Variants in ADAM19 observed in about 807,000 individuals in gnomAD.
ADAM19 encodes the protein disintegrin and metalloproteinase domain-containing protein 19.
ADAM19 carries 65 observed loss-of-function variants against 114.7 expected under a neutral mutation model. The observed-to-expected ratio is 0.57, with a 90% CI of 0.46 to 0.70. The LOEUF (loss-of-function observed/expected upper bound fraction) is 0.70, where lower values mean the gene tolerates loss of function less well. Among genes scored for constraint, ADAM19 ranks in the 30% least tolerant of loss-of-function variants. ADAM19 has a pLI of 0.00. For missense variants in ADAM19, 1,063 were observed against 1,204.7 expected, an observed-to-expected ratio of 0.88 and a Z score of 1.74; for synonymous variants, 466 against 460.5, an observed-to-expected ratio of 1.01 and a Z score of -0.15.
intron 3 of ADAM19, among the ~76,000 whole-genome samples, chr5:157,560,805 T>C (rs959459209): frequency 6.6e-6 from 1 of 152,204 alleles, no homozygotes; most frequent in African/African-American, 2.4e-5. Context: ...TTTTGTTTAT[T>C]TGGAATTGCT....
Position 157,499,637 on chromosome 5 carries a change from G to A in ADAM19, c.1334C>T (p.Ala445Val), listed in dbSNP as rs755087118. 2.5e-6 allele frequency: 4 copies of A among 1,612,646 alleles called. No individual in the cohort carries two copies. The highest frequency in any genetic ancestry group is 1.3e-5 in the African/African-American group (1 of 74,900). ...EEECNNPCCNASNCTLRPGAE... is the reference protein window; with the variant it reads ...EEECNNPCCNVSNCTLRPGAE... ...CCCCGGCCTCAGGGTACAATTAGAG[G>A]CATTGCAGCAGGGGTTGTTACATTC... is the stretch of plus-strand genomic sequence containing the variant. Residue 445 changes from alanine to valine, a missense_variant, in exon 13 of 23, where the codon GCC becomes GTC. By Grantham distance (64) the Ala-to-Val change is moderately conservative (BLOSUM62 0). Coordinates refer to ENST00000257527, the MANE Select transcript of ADAM19 (RefSeq NM_033274.5).
intron 13 of ADAM19, among the ~76,000 whole-genome samples, chr5:157,497,570 T>TACACACACACACACACACACACAC (rs5872512): frequency 8.6e-6 from 1 of 116,686 alleles, no homozygotes; most frequent in African/African-American, 3.9e-5. Context: ...GGCCCACTAA[T>TACACACACACACACACACACACAC]ACACACACAC....
intron 3 of ADAM19, among the ~76,000 whole-genome samples, chr5:157,555,834 T>C (rs554923543): frequency 1.3e-5 from 2 of 152,272 alleles, no homozygotes; most frequent in East Asian, 3.9e-4. Context: ...TCTGGGAGAA[T>C]CTGTTCCTTG....
chr5:157,513,526 C>A, intron 7 of ADAM19, 21 bp from the exon 8 acceptor site: 6 of 1,609,252 alleles, frequency 3.7e-6, no homozygotes, highest in Non-Finnish European at 5.1e-6. Context: ...CAAGCAGAAC[C>A]ATGTGAGATC....
intron 3 of ADAM19, among the ~76,000 whole-genome samples, chr5:157,556,209 C>CTTTTTTTTTTTT (rs68078503): frequency 1.5e-5 from 1 of 66,320 alleles, no homozygotes; most frequent in Non-Finnish European, 2.7e-5. Context: ...TTTTCTTTTT[C>CTTTTTTTTTTTT]TTTTTTTTTT....
chr5:157,494,128 A>G (rs1444002998), intron 15 of ADAM19, among the ~76,000 whole-genome samples: 4 of 152,198 alleles, frequency 2.6e-5, no homozygotes, highest in Non-Finnish European at 2.9e-5. Flanking sequence ...GATAGACAGT[A>G]AATCTTCAAT....
intron 3 of ADAM19, 109 bp from the exon 4 acceptor site, chr5:157,538,100 A>C: frequency 1.0e-5 from 8 of 783,582 alleles, no homozygotes; most frequent in African/African-American, 1.8e-5. Context: ...AAGCATCTCC[A>C]TACAAAAGAA....
At position 157,567,572 on chromosome 5, in the gene ADAM19, C is replaced by T. The variant is rs554703085; in HGVS notation, c.181-3129G>A. Among the ~76,000 whole-genome samples, 19 of 152,234 alleles carry T rather than the reference C, an allele frequency of 1.2e-4. No individual in the cohort carries two copies. In the East Asian group the frequency reaches 3.1e-3, roughly 25 times the overall value. On this transcript the variant is annotated intron_variant, in intron 2 of 22. Coordinates refer to ENST00000257527, the MANE Select transcript of ADAM19 (RefSeq NM_033274.5). ...CAACACTTTGGGAGGCCAAGGTGGG[C>T]GGATCCCTGGAGATCAGGAGTTCCA...
At chr5:157,565,837 A>G (rs6556085) in intron 2 of ADAM19, 52,988 of 151,810 alleles carry the variant, frequency 0.35, 11,067 homozygotes, top group African/African-American at 0.58. Flanking sequence ...GGCCAGGCGC[A>G]GTGGCTCATG....
chr5:157,552,754 G>A (rs1757239081), intron 3 of ADAM19, among the ~76,000 whole-genome samples: 1 of 150,996 alleles, frequency 6.6e-6, no homozygotes, highest in Non-Finnish European at 1.5e-5. Context: ...TTGCAGCAGA[G>A]TTTACAATAG....
chr5:157,540,047 C>T (rs949529866), intron 3 of ADAM19, among the ~76,000 whole-genome samples: 1 of 152,134 alleles, frequency 6.6e-6, no homozygotes, highest in African/African-American at 2.4e-5. Flanking sequence ...TTTCCTCTTA[C>T]ACAAAAAAGA....
intron 3 of ADAM19, among the ~76,000 whole-genome samples, chr5:157,562,523 G>A (rs374328719): frequency 1.3e-5 from 2 of 152,124 alleles, no homozygotes; most frequent in African/African-American, 2.4e-5. Flanking sequence ...ACCATCCCAC[G>A]AGGCTGGCCT....
intron 8 of ADAM19, among the ~76,000 whole-genome samples, chr5:157,511,705 G>A (rs1243382482): frequency 7.9e-5 from 12 of 152,156 alleles, no homozygotes; most frequent in African/African-American, 2.7e-4. Context: ...GACTCAGCAC[G>A]AGTCCAATTC....
At chr5:157,512,260 C>A (rs1418835664) in intron 8 of ADAM19, among the ~76,000 whole-genome samples, 2 of 152,178 alleles carry the variant, frequency 1.3e-5, no homozygotes, top group Admixed American at 6.5e-5. Context: ...CAGAAAAAAA[C>A]CATGGGCATG....
chr5:157,553,578 A>G (rs1757263724), intron 3 of ADAM19, among the ~76,000 whole-genome samples: 1 of 152,190 alleles, frequency 6.6e-6, no homozygotes, highest in Non-Finnish European at 1.5e-5. Context: ...ACAACTTGTC[A>G]AAATTTAAAA....
At chr5:157,494,550 T>C (rs530284739) in intron 15 of ADAM19, 137 bp downstream of exon 15, 30 of 645,926 alleles carry the variant, frequency 4.6e-5, no homozygotes, top group African/African-American at 3.4e-4. Flanking sequence ...GGGCCGAGAA[T>C]AGATGACTGA....
chr5:157,494,496 C>T (rs960830285), intron 15 of ADAM19, among the ~76,000 whole-genome samples, 191 bp downstream of exon 15: 2 of 152,206 alleles, frequency 1.3e-5, no homozygotes, highest in Non-Finnish European at 2.9e-5. Context: ...CACCCACACC[C>T]TCCTCTGACT....
intron 3 of ADAM19, among the ~76,000 whole-genome samples, chr5:157,553,538 C>T (rs1379638168): frequency 2.6e-5 from 4 of 152,044 alleles, no homozygotes. Context: ...TACATTCAGC[C>T]TTTGGGGAGG....
At chr5:157,498,669 T>G (rs1354892638) in intron 13 of ADAM19, among the ~76,000 whole-genome samples, 2 of 136,984 alleles carry the variant, frequency 1.5e-5, no homozygotes, top group East Asian at 2.1e-4. Flanking sequence ...TGTACATATA[T>G]AATTACACAT....
Sources: gnomAD v4.1 joint callset for allele counts (sites outside exome capture counted in the v4.1 genomes callset) on GRCh38, gnomAD v4.1.1 for gene constraint, MANE v1.5 for transcripts, NCBI Gene and HGNC (gene_info 2026-07-23, HGNC 2026-07-21) for gene names.